EPHA6: variants seen among roughly 807,000 people sequenced by gnomAD.
EPHA6 encodes the protein ephrin type-A receptor 6.
A neutral mutation model predicts 112.0 loss-of-function variants in EPHA6; 50 were observed. The observed-to-expected ratio is 0.45, with a 90% CI of 0.36 to 0.56. The LOEUF (loss-of-function observed/expected upper bound fraction) is 0.56. EPHA6 is among the 20% of genes least tolerant of loss of function. The pLI is 0.00. For missense variants in EPHA6, 1,280 were observed against 1,417.4 expected (o/e 0.90, Z 1.56); for synonymous variants, 529 against 490.7 (o/e 1.08, Z -1.03).
At chr3:97,664,861 A>G (rs1034988817) in intron 14 of EPHA6, among the ~76,000 whole-genome samples, 2 of 152,244 alleles carry the variant, frequency 1.3e-5, no homozygotes, top group Non-Finnish European at 2.9e-5. Flanking sequence ...GATGGATAGG[A>G]AGAATCAATA....
At chr3:96,917,048 C>T (rs890441801) in intron 2 of EPHA6, among the ~76,000 whole-genome samples, 4 of 152,100 alleles carry the variant, frequency 2.6e-5, no homozygotes, top group African/African-American at 9.7e-5. Flanking sequence ...CATTAATTTT[C>T]CTACGTCGTA....
At position 96,889,815 on chromosome 3, in the gene EPHA6, T is replaced by C. The variant is rs148842411; in HGVS notation, c.450+22926T>C. Among the ~76,000 whole-genome samples, 48 of 152,288 alleles carry C rather than the reference T, an allele frequency of 3.2e-4. 1 individual carries two copies. In the East Asian group the frequency reaches 6.9e-3, roughly 22 times the overall value. On this transcript the variant is annotated intron_variant, in intron 2 of 17. Transcript: ENST00000389672. ...CTATAGTATATACCCCAGTACAATA[T>C]TGGTGCAGGGATAGACAAATTTACT...
intron 7 of EPHA6, among the ~76,000 whole-genome samples, chr3:97,457,843 G>T (rs1188375445): frequency 6.6e-6 from 1 of 151,858 alleles, no homozygotes; most frequent in African/African-American, 2.4e-5. Context: ...GAGGGGGGCG[G>T]ATCACGAGGT....
At chr3:97,188,903 A>T (rs1232940358) in intron 3 of EPHA6, among the ~76,000 whole-genome samples, 1 of 152,022 alleles carries the variant, frequency 6.6e-6, no homozygotes, top group Non-Finnish European at 1.5e-5. Flanking sequence ...GCTACTGAAG[A>T]TGAGCAGTTT....
chr3:97,534,180 T>C (rs1009759821), intron 11 of EPHA6, among the ~76,000 whole-genome samples: 1 of 152,168 alleles, frequency 6.6e-6, no homozygotes, highest in African/African-American at 2.4e-5. Flanking sequence ...CTGTAAGAAT[T>C]AAATTTGTCA....
intron 14 of EPHA6, among the ~76,000 whole-genome samples, chr3:97,710,519 C>T (rs1009005713): frequency 1.3e-5 from 2 of 152,238 alleles, no homozygotes; most frequent in African/African-American, 2.4e-5. Context: ...GAGCTCTGCA[C>T]TAACACTTCC....
chr3:97,104,051 G>T (rs182818284), intron 3 of EPHA6, among the ~76,000 whole-genome samples: 1 of 152,200 alleles, frequency 6.6e-6, no homozygotes, highest in Non-Finnish European at 1.5e-5. Flanking sequence ...TTGGGGCCAA[G>T]GCTATGGGGT....
At chr3:97,306,176 A>C (rs1264712866) in intron 5 of EPHA6, among the ~76,000 whole-genome samples, 1 of 151,862 alleles carries the variant, frequency 6.6e-6, no homozygotes, top group African/African-American at 2.4e-5. Flanking sequence ...GTTGGTACCT[A>C]TCCCTCTATC....
chr3:97,202,304 G>A (rs1203230329), intron 3 of EPHA6, among the ~76,000 whole-genome samples: 1 of 151,822 alleles, frequency 6.6e-6, no homozygotes, highest in African/African-American at 2.4e-5. Flanking sequence ...CTTTGGTAGG[G>A]GCATCCTAAG....
intron 4 of EPHA6, among the ~76,000 whole-genome samples, chr3:97,229,031 GTCTA>G (rs2078444367): frequency 6.6e-6 from 1 of 152,084 alleles, no homozygotes; most frequent in Non-Finnish European, 1.5e-5. Flanking sequence ...TTTGAGAATT[GTCTA>G]TCCATGTCCT....
intron 12 of EPHA6, among the ~76,000 whole-genome samples, chr3:97,604,365 T>TTTTAG (rs1398590358): frequency 6.6e-6 from 1 of 151,716 alleles, no homozygotes; most frequent in African/African-American, 2.4e-5. Context: ...GACACAAGAA[T>TTTTAG]TTTAGTGCTA....
chr3:96,826,683 A>G lies in EPHA6; in HGVS notation c.385+11675A>G, dbSNP rs993525250. Among the ~76,000 whole-genome samples the G allele has an allele frequency of 9.2e-5, 14 of 152,200 alleles. No homozygotes were observed. In the East Asian group the frequency reaches 2.5e-3, roughly 27 times the overall value. Reference sequence around the variant, plus strand: ...ATGCTTTTATGTCTAAGTTCTTTATATAGTCCTTATATATCTCACGTTATT... The same window carrying G: ...ATGCTTTTATGTCTAAGTTCTTTATGTAGTCCTTATATATCTCACGTTATT... On this transcript the variant is annotated intron_variant, in intron 1 of 17. Coordinates refer to ENST00000389672, the MANE Select transcript of EPHA6 (RefSeq NM_001080448.3).
intron 8 of EPHA6, among the ~76,000 whole-genome samples, chr3:97,478,105 T>C (rs2091429451): frequency 6.9e-6 from 1 of 143,940 alleles, no homozygotes; most frequent in South Asian, 2.1e-4. Context: ...TATTACATTA[T>C]TTACAATAGA....
intron 3 of EPHA6, among the ~76,000 whole-genome samples, chr3:97,150,886 T>G (rs891085225): frequency 6.6e-6 from 1 of 152,170 alleles, no homozygotes; most frequent in African/African-American, 2.4e-5. Context: ...CCAAATCTCA[T>G]GACTACCAAT....
chr3:96,821,149 C>A (rs73848351), intron 1 of EPHA6, among the ~76,000 whole-genome samples: 1 of 151,648 alleles, frequency 6.6e-6, no homozygotes, highest in East Asian at 1.9e-4. Context: ...AAGTAAACAA[C>A]GGTAAATTTT....
intron 4 of EPHA6, among the ~76,000 whole-genome samples, chr3:97,238,214 G>A (rs940931144): frequency 6.6e-6 from 1 of 151,814 alleles, no homozygotes; most frequent in Admixed American, 6.6e-5. Flanking sequence ...AGAGATGGTG[G>A]CACCTTATTC....
At chr3:97,079,131 A>C (rs1449962214) in intron 3 of EPHA6, among the ~76,000 whole-genome samples, 1 of 151,936 alleles carries the variant, frequency 6.6e-6, no homozygotes, top group East Asian at 1.9e-4. Flanking sequence ...TCAATGTTAG[A>C]CTGATGAGCA....
Position 97,284,445 on chromosome 3 carries a change from C to T in EPHA6, c.1606+40158C>T, listed in dbSNP as rs2080395517. ...TCTTACTTCTTCCTTTAAAGCTTCA[C>T]ACTTACTTTTGTTTCATTTACCTGT... On this transcript the variant is annotated intron_variant, in intron 5 of 17. Transcript: ENST00000389672. 2.6e-5 allele frequency among the ~76,000 whole-genome samples: 4 copies of T among 152,150 alleles called. No individual in the cohort carries two copies. The South Asian group carries it at 8.3e-4, about 32-fold the overall frequency.
intron 3 of EPHA6, among the ~76,000 whole-genome samples, chr3:97,186,556 T>C (rs1035778353): frequency 1.3e-5 from 2 of 152,108 alleles, no homozygotes; most frequent in Admixed American, 1.3e-4. Flanking sequence ...GAAAAGGATT[T>C]ACTGGGTGCC....
Sources: allele counts gnomAD v4.1 joint callset (sites outside exome capture counted in the v4.1 genomes callset), GRCh38; gene constraint gnomAD v4.1.1; transcripts MANE v1.5; gene names NCBI Gene and HGNC (gene_info 2026-07-23, HGNC 2026-07-21).